Variants in SLIT1 observed in about 807,000 individuals in gnomAD.
SLIT1 encodes the protein slit homolog 1 protein.
Under a neutral mutation model 186.1 loss-of-function variants are expected in SLIT1, and 66 were observed. That is an observed-to-expected ratio of 0.35 (90% CI 0.29 to 0.44). SLIT1 has a LOEUF of 0.44. SLIT1 is among the 20% of genes least tolerant of loss of function. The pLI is 1.00. For missense variants in SLIT1, 1,638 were observed against 2,037.4 expected, an observed-to-expected ratio of 0.80 and a Z score of 3.77; for synonymous variants, 761 against 833.8, an observed-to-expected ratio of 0.91 and a Z score of 1.50.
At chr10:97,002,418 C>T in intron 35 of SLIT1, 49 bp from the exon 36 acceptor site, 2 of 1,427,380 alleles carry the variant, frequency 1.4e-6, no homozygotes, top group Non-Finnish European at 9.5e-7. Context: ...CAGCCAAGCC[C>T]CACCTGACAC....
At position 97,184,710 on chromosome 10, in the gene SLIT1, G is replaced by T. The variant is rs1850387606; in HGVS notation, c.197+768C>A. Among the ~76,000 whole-genome samples, 1 of 152,268 alleles carries T rather than the reference G, an allele frequency of 6.6e-6. No individual in the cohort carries two copies. The highest frequency in any genetic ancestry group is 1.9e-4 in the East Asian group (1 of 5,178). On this transcript the variant is annotated intron_variant, in intron 1 of 36. Coordinates refer to ENST00000266058, the MANE Select transcript of SLIT1 (RefSeq NM_003061.3). The surrounding 1 kb of genome is among the most constrained non-coding windows in gnomAD (Gnocchi z 4.4). ...ATGCTATTTTTTTATTACTTGTCAT[G>T]GTCAATATCTTTAACCTTGGGCCCC...
intron 28 of SLIT1, among the ~76,000 whole-genome samples, chr10:97,017,693 A>G (rs1354146411): frequency 1.3e-5 from 2 of 152,170 alleles, no homozygotes; most frequent in Non-Finnish European, 2.9e-5. Context: ...ACCTCTGGGC[A>G]GGCCTCACCC....
chr10:97,065,902 G>T, intron 5 of SLIT1, 113 bp downstream of exon 5: 1 of 774,238 alleles, frequency 1.3e-6, no homozygotes, highest in Non-Finnish European at 2.2e-6. Flanking sequence ...TGAGAGCCCA[G>T]GTCAGCTCCC....
intron 4 of SLIT1, among the ~76,000 whole-genome samples, chr10:97,151,686 A>G (rs1849882008): frequency 6.6e-6 from 1 of 152,066 alleles, no homozygotes; most frequent in Admixed American, 6.6e-5. Context: ...AGCCCCTTGG[A>G]TGTGTCACAT....
chr10:97,018,870 T>G, intron 27 of SLIT1, 113 bp downstream of exon 27: 1 of 673,752 alleles, frequency 1.5e-6, no homozygotes, highest in Non-Finnish European at 2.6e-6. Context: ...AAGTCATTAA[T>G]TACAGGTTCA....
At chr10:97,090,510 G>A (rs1003406929) in intron 4 of SLIT1, among the ~76,000 whole-genome samples, 3 of 152,186 alleles carry the variant, frequency 2.0e-5, no homozygotes, top group Non-Finnish European at 4.4e-5. Context: ...AAAGTGAGTT[G>A]GAGTGTATTA....
chr10:97,001,614 A>G (rs1848310708), intron 36 of SLIT1, among the ~76,000 whole-genome samples: 1 of 152,100 alleles, frequency 6.6e-6, no homozygotes, highest in East Asian at 1.9e-4. Context: ...CCCCATTGCT[A>G]GAGGCGTGCA....
chr10:97,175,785 C>G (rs1850248673), intron 1 of SLIT1, among the ~76,000 whole-genome samples: 2 of 152,114 alleles, frequency 1.3e-5, no homozygotes, highest in Admixed American at 6.5e-5. Context: ...TCCATGCAGG[C>G]CCCTGGGAGG....
At chr10:97,162,128 A>G (rs1203354199) in intron 3 of SLIT1, among the ~76,000 whole-genome samples, 1 of 152,210 alleles carries the variant, frequency 6.6e-6, no homozygotes, top group Non-Finnish European at 1.5e-5. Flanking sequence ...TAGTGGTTCC[A>G]GTTGTCTTCT....
intron 36 of SLIT1, 28 bp downstream of exon 36, chr10:97,002,129 GA>G: frequency 7.2e-7 from 1 of 1,385,542 alleles, no homozygotes. Context: ...GGACCCTGGG[GA>G]GGGCACGTCA....
chr10:97,171,400 T>C (rs537150846), intron 1 of SLIT1, among the ~76,000 whole-genome samples: 2 of 152,272 alleles, frequency 1.3e-5, no homozygotes, highest in East Asian at 3.9e-4. Flanking sequence ...CACATTCACC[T>C]TGGCCCCTCT....
chr10:97,067,032 G>A (rs993989558), intron 4 of SLIT1, among the ~76,000 whole-genome samples: 8 of 152,162 alleles, frequency 5.3e-5, no homozygotes, highest in South Asian at 2.1e-4. Context: ...AATTGGCTCC[G>A]GTGACCCAGT....
At chr10:97,158,882 G>A (rs2784939) in intron 3 of SLIT1, among the ~76,000 whole-genome samples, 125,448 of 150,206 alleles carry the variant, frequency 0.84, 52,385 homozygotes, top group Admixed American at 0.87. Context: ...TCTCAGAGAA[G>A]AAAAAAAAAG....
Position 97,042,959 on chromosome 10 carries a change from G to A in SLIT1, c.2106C>T (p.Asp702=), listed in dbSNP as rs1182913391. 2 of 1,614,258 alleles carry A rather than the reference G, an allele frequency of 1.2e-6. No homozygotes were observed. The highest frequency in any genetic ancestry group is 1.7e-5 in the Admixed American group (1 of 60,036). ...CCTGCAGGGGAATCTGCCGCAAAAA[G>A]TCAGGGTTCTGGCATCGCGGGTTCC... is the stretch of plus-strand genomic sequence containing the variant. ...VTGNPRCQNP[D]FLRQIPLQDV... is the part of the protein sequence containing the mutation. The change falls in exon 20 of 37, where the codon GAC becomes GAT. Residue 702 remains aspartate (D), a synonymous_variant. Transcript: ENST00000266058.
intron 4 of SLIT1, among the ~76,000 whole-genome samples, chr10:97,119,939 A>ATATATATATATATATATATG (rs1292491658): frequency 3.3e-4 from 45 of 136,690 alleles, no homozygotes; most frequent in Non-Finnish European, 5.8e-4. Flanking sequence ...ATATATATAT[A>ATATATATATATATATATATG]TATATATGTA....
intron 4 of SLIT1, among the ~76,000 whole-genome samples, chr10:97,094,653 A>G (rs2861828): frequency 0.34 from 52,196 of 152,086 alleles, 10,344 homozygotes; most frequent in African/African-American, 0.54. Flanking sequence ...AGGTGACGGC[A>G]GCACTAGGAC....
At chr10:97,162,522 G>T (rs185392438) in intron 3 of SLIT1, among the ~76,000 whole-genome samples, 1 of 152,052 alleles carries the variant, frequency 6.6e-6, no homozygotes, top group Non-Finnish European at 1.5e-5. Flanking sequence ...CTGAGGCGGG[G>T]GAATCGCTTG....
At chr10:97,076,223 C>T (rs1166568755) in intron 4 of SLIT1, among the ~76,000 whole-genome samples, 1 of 152,200 alleles carries the variant, frequency 6.6e-6, no homozygotes, top group Non-Finnish European at 1.5e-5. Context: ...CAGAGGAAGA[C>T]TTGGCATCTC....
chr10:97,145,144 T>TTAG (rs1468061009), intron 4 of SLIT1, among the ~76,000 whole-genome samples: 1 of 151,836 alleles, frequency 6.6e-6, no homozygotes. Context: ...ATTATTACTA[T>TTAG]TATTATTATT....
Sources: allele counts gnomAD v4.1 joint callset (sites outside exome capture counted in the v4.1 genomes callset), GRCh38; gene constraint gnomAD v4.1.1; non-coding constraint Gnocchi (gnomAD v3.1); transcripts MANE v1.5; gene names NCBI Gene and HGNC (gene_info 2026-07-23, HGNC 2026-07-21).